MAP7: variants seen among roughly 807,000 people sequenced by gnomAD.
The protein encoded by MAP7 is microtubule associated protein 7.
Under a neutral mutation model 94.8 loss-of-function variants are expected in MAP7, and 52 were observed. The observed-to-expected ratio is 0.55, with a 90% CI of 0.44 to 0.69. The LOEUF is 0.69. Ranked by LOEUF, MAP7 falls within the 30% of genes least tolerant of loss-of-function variation. MAP7 has a pLI of 0.00. For missense variants in MAP7, 940 were observed against 964.6 expected, an observed-to-expected ratio of 0.97 and a Z score of 0.34; for synonymous variants, 350 against 357.0, an observed-to-expected ratio of 0.98 and a Z score of 0.22.
At chr6:136,420,229 T>C (rs3778300) in intron 2 of MAP7, 791,841 of 1,028,162 alleles carry the variant, frequency 0.77, 310,908 homozygotes, top group South Asian at 0.83. Flanking sequence ...GCCAGGAACA[T>C]AGAAATCTGA....
intron 1 of MAP7, among the ~76,000 whole-genome samples, chr6:136,449,869 G>C (rs1326704603): frequency 6.6e-6 from 1 of 152,176 alleles, no homozygotes; most frequent in Non-Finnish European, 1.5e-5. Context: ...AAAGGAACCT[G>C]AATAAATGCA....
chr6:136,407,190 G>C (rs1785892690), intron 3 of MAP7, among the ~76,000 whole-genome samples: 1 of 152,144 alleles, frequency 6.6e-6, no homozygotes, highest in Non-Finnish European at 1.5e-5. Flanking sequence ...TATTTATTAT[G>C]TGTTTTACAC....
chr6:136,383,332 T>C (rs1476130809), intron 6 of MAP7, among the ~76,000 whole-genome samples: 1 of 152,206 alleles, frequency 6.6e-6, no homozygotes, highest in African/African-American at 2.4e-5. Flanking sequence ...GACAGTATGA[T>C]TGAAGTAAAA....
chr6:136,518,157 A>G (rs952833002), intron 1 of MAP7, among the ~76,000 whole-genome samples: 2 of 152,098 alleles, frequency 1.3e-5, no homozygotes, highest in African/African-American at 4.8e-5. Context: ...TCGTATTTTA[A>G]TATCTTTTTA....
intron 10 of MAP7, chr6:136,364,179 A>G: frequency 2.0e-6 from 1 of 505,596 alleles, no homozygotes; most frequent in Non-Finnish European, 3.9e-6. Context: ...CTCGGCCCTC[A>G]TTCTGCATGA....
At chr6:136,470,920 A>T (rs1327377425) in intron 1 of MAP7, among the ~76,000 whole-genome samples, 1 of 152,190 alleles carries the variant, frequency 6.6e-6, no homozygotes, top group Non-Finnish European at 1.5e-5. Flanking sequence ...AGAGTTTCAC[A>T]TATTTTACAC....
intron 1 of MAP7, among the ~76,000 whole-genome samples, chr6:136,467,750 T>G (rs1373139518): frequency 6.6e-6 from 1 of 152,158 alleles, no homozygotes; most frequent in African/African-American, 2.4e-5. Context: ...TCACAGCATT[T>G]AAAAACATGT....
chr6:136,515,900 G>A (rs543327006), intron 1 of MAP7, among the ~76,000 whole-genome samples: 1 of 152,250 alleles, frequency 6.6e-6, no homozygotes, highest in African/African-American at 2.4e-5. Flanking sequence ...ATATAGGGTT[G>A]CCACAAACCT....
chr6:136,344,806 A>G (rs1210374765), intron 17 of MAP7, among the ~76,000 whole-genome samples: 1 of 152,198 alleles, frequency 6.6e-6, no homozygotes, highest in Non-Finnish European at 1.5e-5. Flanking sequence ...AGGTCAGTAC[A>G]CTAGAGGAGA....
intron 1 of MAP7, among the ~76,000 whole-genome samples, chr6:136,465,007 C>T (rs555159042): frequency 1.3e-5 from 2 of 152,352 alleles, no homozygotes; most frequent in South Asian, 2.1e-4. Context: ...CATTATTCCA[C>T]AGCAGCTTGA....
intron 1 of MAP7, among the ~76,000 whole-genome samples, chr6:136,537,136 T>A (rs1828948706): frequency 1.3e-5 from 2 of 150,790 alleles, no homozygotes; most frequent in African/African-American, 4.8e-5. Context: ...GGTTGGAAAC[T>A]TTCTCTTTCT....
In MAP7 at chr6:136,393,798, ATTTTTTTT is replaced by A. The variant is rs61666828; in HGVS notation, c.245-4289_245-4282del. On this transcript the variant is annotated intron_variant, in intron 3 of 17. Transcript: ENST00000354570. The stretch of plus-strand genomic sequence containing the variant: ...GGTACATGCTACCACATTCAGCAAA[ATTTTTTTT>A]TTTTTTTTTTTTTTTTTAGAGATAG... Among the ~76,000 whole-genome samples the A allele has an allele frequency of 3.6e-5, 3 of 84,438 alleles. No homozygotes were observed. The South Asian group carries it at 1.4e-3, about 40-fold the overall frequency. 55.4% of individuals were successfully genotyped at this position (84,438 alleles called of 152,430 possible).
intron 6 of MAP7, among the ~76,000 whole-genome samples, chr6:136,381,919 C>CACACACACACACAGAGAGAG (rs373754692): frequency 1.8e-3 from 186 of 102,984 alleles, no homozygotes; most frequent in African/African-American, 7.0e-3. Flanking sequence ...CACACACACA[C>CACACACACACACAGAGAGAG]AGAGAGAGAG....
intron 1 of MAP7, among the ~76,000 whole-genome samples, chr6:136,516,975 C>CAA (rs397770361): frequency 0.019 from 2,692 of 140,268 alleles, 42 homozygotes; most frequent in African/African-American, 0.024. Flanking sequence ...AAAACCCTTG[C>CAA]AAAAAAAAAA....
At chr6:136,366,281 T>C (rs1358279028) in intron 9 of MAP7, 46 bp downstream of exon 9, 5 of 1,439,038 alleles carry the variant, frequency 3.5e-6, no homozygotes, top group Non-Finnish European at 4.9e-6. Context: ...GAGCTACTAA[T>C]TCTCTAACAT....
At chr6:136,364,163 A>G (rs1793616155) in intron 10 of MAP7, 3 of 482,474 alleles carry the variant, frequency 6.2e-6, no homozygotes, top group Admixed American at 4.4e-5. Context: ...TGCATTCTGC[A>G]TAAGGCTCGG....
rs78925202 is a variant in MAP7, at chr6:136,537,232, C to T, written c.67+13110G>A. Among the ~76,000 whole-genome samples, 200 of 152,004 alleles carry T rather than the reference C, an allele frequency of 1.3e-3. 6 individuals carry two copies. In the East Asian group the frequency reaches 0.034, roughly 26 times the overall value. On this transcript the variant is annotated intron_variant, in intron 1 of 17. Transcript: ENST00000354570. ...ATCAGTTTGTAAATAAGTTGAAGAA[C>T]TGACATTCTCAAATCTGTCCATTTT...
At chr6:136,359,055 T>A (rs951060721) in intron 15 of MAP7, among the ~76,000 whole-genome samples, 1 of 152,216 alleles carries the variant, frequency 6.6e-6, no homozygotes, top group Non-Finnish European at 1.5e-5. Context: ...AGGAATTATG[T>A]ATGAAAGATG....
At chr6:136,516,694 T>G (rs1265868598) in intron 1 of MAP7, among the ~76,000 whole-genome samples, 1 of 152,098 alleles carries the variant, frequency 6.6e-6, no homozygotes, top group Non-Finnish European at 1.5e-5. Flanking sequence ...TCTGAGTGAC[T>G]AGAGAACAAA....
Sources: allele counts gnomAD v4.1 joint callset (sites outside exome capture counted in the v4.1 genomes callset), GRCh38; gene constraint gnomAD v4.1.1; transcripts MANE v1.5; gene names NCBI Gene and HGNC (gene_info 2026-07-23, HGNC 2026-07-21).